Variants in KRT86 observed in about 807,000 individuals in gnomAD.
KRT86 encodes keratin, type II cuticular Hb6.
A neutral mutation model predicts 41.2 loss-of-function variants in KRT86; 30 were observed. That is an observed-to-expected ratio of 0.73 (90% CI 0.54 to 0.99). The LOEUF (loss-of-function observed/expected upper bound fraction) is 0.99. KRT86 is among the 50% of genes least tolerant of loss of function. The pLI, the probability that KRT86 is intolerant of heterozygous loss-of-function variation, is 0.00. For synonymous variants in KRT86, 238 were observed against 238.1 expected (o/e 1.00, Z 0.00); for missense variants, 561 against 571.4 (o/e 0.98, Z 0.19).
Position 52,302,230 on chromosome 12 carries a change from A to T in KRT86, c.314A>T (p.Glu105Val). 1 of 1,078,888 alleles carries T rather than the reference A, an allele frequency of 9.3e-7. No individual in the cohort carries two copies. 66.8% of individuals were successfully genotyped at this position (1,078,888 alleles called of 1,614,324 possible). The stretch of plus-strand genomic sequence containing the variant: ...CCCAACGCGCAGTGCGTGAAGCAGG[A>T]GGAGAAGGAGCAGATCAAGTCCCTC... ...IDPNAQCVKQ[E>V]EKEQIKSLNS... Residue 105 changes from glutamate (E) to valine (V), a missense_variant, in exon 3 of 11, where the codon GAG becomes GTG. Transcript: ENST00000423955.
In KRT86 at chr12:52,308,617, G is replaced by T; in HGVS notation, c.*32G>T. 1 of 1,586,190 alleles carries T rather than the reference G, an allele frequency of 6.3e-7. No individual in the cohort carries two copies. The highest frequency in any genetic ancestry group is 8.5e-7 in the Non-Finnish European group (1 of 1,173,286). ...GCCGCCTCCGCCAGCGCCTGTCGCC[G>T]TCACTCTCCACCCAGCCAGTACCTC... On this transcript the variant is annotated 3_prime_UTR_variant, in exon 11 of 11. Coordinates refer to ENST00000423955, the MANE Select transcript of KRT86 (RefSeq NM_001320198.2).
intron 2 of KRT86, among the ~76,000 whole-genome samples, chr12:52,277,071 T>C (rs1937649941): frequency 6.6e-6 from 1 of 152,146 alleles, no homozygotes. Context: ...CAAATACACT[T>C]CACCAAGGTC....
intron 2 of KRT86, 72 bp from the exon 3 acceptor site, chr12:52,301,841 C>A: frequency 1.2e-6 from 2 of 1,613,290 alleles, no homozygotes; most frequent in South Asian, 2.2e-5. Context: ...GTAGTGAACG[C>A]CTGACGCCCC....
chr12:52,286,446 A>T, intron 2 of KRT86: 1 of 1,552,852 alleles, frequency 6.4e-7, no homozygotes, highest in South Asian at 1.2e-5. Flanking sequence ...CGGGAGCCTG[A>T]CACGCAGAGG....
chr12:52,288,657 T>C (rs1372256615), intron 2 of KRT86, among the ~76,000 whole-genome samples: 2 of 152,100 alleles, frequency 1.3e-5, no homozygotes, highest in Non-Finnish European at 1.5e-5. Context: ...GCCTTGACCA[T>C]GCCTCACCAG....
chr12:52,288,231 T>A, intron 2 of KRT86: 1 of 1,595,750 alleles, frequency 6.3e-7, no homozygotes, highest in Admixed American at 1.7e-5. Context: ...AGGCTTTCTC[T>A]GGTCCCCAAC....
chr12:52,279,826 T>C (rs562843003), intron 2 of KRT86, among the ~76,000 whole-genome samples: 1 of 152,266 alleles, frequency 6.6e-6, no homozygotes, highest in Non-Finnish European at 1.5e-5. Flanking sequence ...AGCTGAGAAT[T>C]CCATTCTCCA....
rs1318947888 is a variant in KRT86 at position 52,304,439 on chromosome 12, TCTA to T, written c.639+269_639+271del. ...TCCTGCTCTGTTCCAGAGGTTGTGG[TCTA>T]TTGCTGAGGCCCCTGGAGCCATAGC... On this transcript the variant is annotated intron_variant, in intron 5 of 10. Coordinates refer to ENST00000423955, the MANE Select transcript of KRT86 (RefSeq NM_001320198.2). 0.011 allele frequency among the ~76,000 whole-genome samples: 1,509 copies of T among 140,674 alleles called. 24 individuals carry two copies. The highest frequency in any genetic ancestry group is 0.038 in the African/African-American group (1,410 of 36,960). 92.3% of individuals were successfully genotyped at this position (140,674 alleles called of 152,430 possible).
At chr12:52,284,762 G>C (rs548518479) in intron 2 of KRT86, among the ~76,000 whole-genome samples, 72 of 152,300 alleles carry the variant, frequency 4.7e-4, no homozygotes, top group Middle Eastern at 3.4e-3. Context: ...CCTTGGACTG[G>C]AAGTTTAGAG....
chr12:52,298,329 A>G (rs777011939), intron 2 of KRT86, among the ~76,000 whole-genome samples: 78 of 152,264 alleles, frequency 5.1e-4, no homozygotes, highest in Admixed American at 1.4e-3. Context: ...TATAGTAGAT[A>G]ACATTTATTG....
At chr12:52,277,030 C>T (rs1937648749) in intron 2 of KRT86, among the ~76,000 whole-genome samples, 1 of 152,142 alleles carries the variant, frequency 6.6e-6, no homozygotes, top group African/African-American at 2.4e-5. Flanking sequence ...CAGGGTCCCA[C>T]CAGCCACAGC....
chr12:52,297,733 A>C (rs1938283008), intron 2 of KRT86, among the ~76,000 whole-genome samples: 1 of 152,250 alleles, frequency 6.6e-6, no homozygotes, highest in South Asian at 2.1e-4. Flanking sequence ...TCTTTTACTT[A>C]AAGCCTCCCT....
Position 52,306,254 on chromosome 12 carries a change from G to A in KRT86, c.1221G>A (p.Arg407=). 3 of 1,613,580 alleles carry A rather than the reference G, an allele frequency of 1.9e-6. No homozygotes were observed. The South Asian group carries it at 3.3e-5, about 18-fold the overall frequency. ...TGGACATCGAGATCGCCACCTACAG[G>A]CGCCTGCTGGAGGGCGAGGAGCAGA... ...LGLDIEIATY[R]RLLEGEEQRL... is the part of the protein sequence containing the mutation. Residue 407 remains arginine (R), a synonymous_variant, in exon 9 of 11, where the codon AGG becomes AGA. Transcript: ENST00000423955.
chr12:52,280,304 T>C (rs577319458), intron 2 of KRT86, among the ~76,000 whole-genome samples: 2 of 152,240 alleles, frequency 1.3e-5, no homozygotes, highest in African/African-American at 4.8e-5. Context: ...GGTCGGAAGA[T>C]AGAGTGGGGT....
intron 2 of KRT86, chr12:52,301,707 C>G: frequency 2.3e-6 from 1 of 440,568 alleles, no homozygotes; most frequent in Non-Finnish European, 3.0e-6. Flanking sequence ...TTCTGGGCAC[C>G]AATTAAGTAC....
chr12:52,286,251 G>T, intron 2 of KRT86: 1 of 1,552,870 alleles, frequency 6.4e-7, no homozygotes, highest in Non-Finnish European at 8.7e-7. Flanking sequence ...TTGAGTTGGG[G>T]TGCCTAACAT....
intron 2 of KRT86, among the ~76,000 whole-genome samples, chr12:52,281,661 T>G (rs7297762): frequency 0.25 from 38,486 of 151,976 alleles, 5,736 homozygotes; most frequent in East Asian, 0.39. Context: ...GTCCAAACTC[T>G]TCACCTGTTT....
Position 52,308,418 on chromosome 12 carries a change from C to T in KRT86, c.1294C>T (p.Arg432Cys), listed in dbSNP as rs1938567942. 1 of 1,611,716 alleles carries T rather than the reference C, an allele frequency of 6.2e-7. No individual in the cohort carries two copies. ...TTCCCCTGCAGGCGTCAGCAGCTCC[C>T]GCGGTGGCGTTGTCTGTGGCGATCT... ...GSVNVCVSSS[R>C]GGVVCGDLCA... is the part of the protein sequence containing the mutation. Residue 432 changes from arginine (R) to cysteine (C), a missense_variant, in exon 11 of 11, where the codon CGC (arginine) becomes TGC (cysteine). Arg to Cys is a radical substitution (Grantham distance 180). Transcript: ENST00000423955.
intron 2 of KRT86, chr12:52,288,560 G>C (rs976546874): frequency 2.9e-6 from 4 of 1,358,090 alleles, no homozygotes; most frequent in Non-Finnish European, 4.2e-6. Context: ...AGCAGTCCCT[G>C]GTGTCCCATT....
Sources: allele counts gnomAD v4.1 joint callset (sites outside exome capture counted in the v4.1 genomes callset), GRCh38; gene constraint gnomAD v4.1.1; transcripts MANE v1.5; gene names NCBI Gene and HGNC (gene_info 2026-07-23, HGNC 2026-07-21).